The following SBSPON variants were observed in gnomAD, a reference collection of about 807,000 sequenced individuals.
The protein encoded by SBSPON is somatomedin-B and thrombospondin type-1 domain-containing protein.
SBSPON carries 30 observed loss-of-function variants against 35.8 expected under a neutral mutation model. That is an observed-to-expected ratio of 0.84 (90% confidence interval 0.63 to 1.14). The LOEUF (loss-of-function observed/expected upper bound fraction) is 1.14. SBSPON is among the 50% of genes most tolerant of loss of function. The probability of loss-of-function intolerance (pLI) is 0.00; values close to 1 mark genes in which losing one functional copy is unlikely to be tolerated. For missense variants in SBSPON, 364 were observed against 357.7 expected (o/e 1.02, Z -0.14); for synonymous variants, 136 against 135.9 (o/e 1.00, Z 0.00).
chr8:73,074,625 A>G lies in SBSPON; in HGVS notation c.410-2755T>C, dbSNP rs566407992. On this transcript the variant is annotated intron_variant, in intron 2 of 4. Transcript: ENST00000297354. The stretch of plus-strand genomic sequence containing the variant: ...ATGACAAAGTTCCAGTACTGTTTGC[A>G]GCATCTTTCCCATGAATTATTTAAA... 6.5e-5 allele frequency: 62 copies of G among 958,432 alleles called. No individual in the cohort carries two copies. In the South Asian group the frequency reaches 2.7e-3, roughly 42 times the overall value. 59.4% of individuals were successfully genotyped at this position (958,432 alleles called of 1,614,324 possible).
At position 73,092,842 on chromosome 8, in the gene SBSPON, C is replaced by A; in HGVS notation, c.214+12G>T. 6.2e-7 allele frequency: 1 copy of A among 1,607,028 alleles called. No individual in the cohort carries two copies. The highest frequency in any genetic ancestry group is 2.2e-5 in the East Asian group (1 of 44,492). Reference sequence around the variant, plus strand: ...TAACGGCCGGCGCCCCACTCTCGGCCTGACCACCCACCTGGGCACGCCCTG... The same window carrying A: ...TAACGGCCGGCGCCCCACTCTCGGCATGACCACCCACCTGGGCACGCCCTG... On this transcript the variant is annotated intron_variant, in intron 1 of 4. Transcript: ENST00000297354.
intron 3 of SBSPON, among the ~76,000 whole-genome samples, chr8:73,071,101 C>A (rs1452998763): frequency 6.6e-6 from 1 of 152,164 alleles, no homozygotes; most frequent in Admixed American, 6.5e-5. Flanking sequence ...AAGCAATCCT[C>A]CTGCTCCAGC....
chr8:73,070,444 G>C (rs1325954887), intron 3 of SBSPON, among the ~76,000 whole-genome samples: 1 of 152,210 alleles, frequency 6.6e-6, no homozygotes, highest in East Asian at 1.9e-4. Flanking sequence ...CACCTCTGCT[G>C]TTCTGCTCCA....
At chr8:73,079,972 C>T (rs940092904) in intron 2 of SBSPON, among the ~76,000 whole-genome samples, 4 of 152,200 alleles carry the variant, frequency 2.6e-5, no homozygotes, top group East Asian at 1.9e-4. Flanking sequence ...GAAATTTCCA[C>T]GTTCCTATGA....
rs941095823 is a variant in SBSPON, at chr8:73,069,841, C to T, written c.641G>A (p.Ser214Asn). 2.7e-5 allele frequency: 44 copies of T among 1,614,066 alleles called. No individual in the cohort carries two copies. Among genetic ancestry groups the T allele is most frequent in the Non-Finnish European group, 3.6e-5 (43 of 1,179,994 alleles). Residue 214 changes from serine (S) to asparagine (N), a missense_variant, in exon 4 of 5, where the codon AGC (serine) becomes AAC (asparagine). Physicochemically the swap from Ser to Asn is conservative, Grantham distance 46. Coordinates refer to ENST00000297354, the MANE Select transcript of SBSPON (RefSeq NM_153225.4). ...DCQPPAMNSVSLRCSGDGLDS... is the reference protein window; with the variant it reads ...DCQPPAMNSVNLRCSGDGLDS... ...CAGGCCATCTCCAGAACAACGAAGG[C>T]TCACAGAGTTCATAGCTGGAGGCTG...
Position 73,074,544 on chromosome 8 carries a change from C to T in SBSPON, c.410-2674G>A, listed in dbSNP as rs146071196. 3.4e-4 allele frequency: 333 copies of T among 977,504 alleles called. 1 individual carries two copies. The African/African-American group carries it at 5.4e-3, about 16-fold the overall frequency. The allele number at this position is 977,504 out of a possible 1,614,324, so 60.6% of individuals were successfully genotyped here. A position where few individuals can be genotyped will look rare whatever the true frequency, so the allele number is the denominator to read the frequency against. ...ATCTAAATATAGCACAGCCAGGCAA[C>T]GTCTCCGAAATCAAACTCCTCAGGG... is the stretch of plus-strand genomic sequence containing the variant. On this transcript the variant is annotated intron_variant, in intron 2 of 4. Coordinates refer to ENST00000297354, the MANE Select transcript of SBSPON (RefSeq NM_153225.4).
chr8:73,067,475 A>G lies in SBSPON; in HGVS notation c.678-17T>C. 1.4e-6 allele frequency: 2 copies of G among 1,461,446 alleles called. No homozygotes were observed. Among genetic ancestry groups the G allele is most frequent in the Non-Finnish European group, 9.6e-7 (1 of 1,042,672 alleles). The allele number at this position is 1,461,446 out of a possible 1,614,324, so 90.5% of individuals were successfully genotyped here. A position where few individuals can be genotyped will look rare whatever the true frequency, so the allele number is the denominator to read the frequency against. The stretch of plus-strand genomic sequence containing the variant: ...GTCTGATTTCTGAAACGATATTTCG[A>G]AAGTGTTAGTTACACTAAAAGCATA... On this transcript the variant is annotated splice_polypyrimidine_tract_variant and intron_variant, in intron 4 of 4. Coordinates refer to ENST00000297354, the MANE Select transcript of SBSPON (RefSeq NM_153225.4).
At chr8:73,080,940 G>T in intron 2 of SBSPON, 79 bp downstream of exon 2, 1 of 1,313,966 alleles carries the variant, frequency 7.6e-7, no homozygotes. Context: ...TCCCTGCACA[G>T]CATATGGCCT....
chr8:73,071,941 T>C, intron 2 of SBSPON, 71 bp from the exon 3 acceptor site: 9 of 949,068 alleles, frequency 9.5e-6, no homozygotes, highest in Non-Finnish European at 1.5e-5. Flanking sequence ...AATTTTGGTT[T>C]TGTACCTGTC....
chr8:73,079,701 C>G (rs1285770847), intron 2 of SBSPON, among the ~76,000 whole-genome samples: 1 of 152,130 alleles, frequency 6.6e-6, no homozygotes, highest in Non-Finnish European at 1.5e-5. Flanking sequence ...TGAGAGCTCC[C>G]TGCACCTCTC....
At chr8:73,068,651 A>G (rs971520701) in intron 4 of SBSPON, among the ~76,000 whole-genome samples, 29 of 152,176 alleles carry the variant, frequency 1.9e-4, no homozygotes, top group African/African-American at 6.8e-4. Context: ...AAATCTACAG[A>G]TTTATATAAG....
Position 73,071,939 on chromosome 8 carries a change from T to C in SBSPON, c.410-69A>G, listed in dbSNP as rs1401262623. On this transcript the variant is annotated intron_variant, in intron 2 of 4. Coordinates refer to ENST00000297354, the MANE Select transcript of SBSPON (RefSeq NM_153225.4). ...TCAGACCATCGTTTCCCAATTTTGGTTTTGTACCTGTCTAAGGGTCTCCAT... is the reference window on the plus strand; with the variant it reads ...TCAGACCATCGTTTCCCAATTTTGGCTTTGTACCTGTCTAAGGGTCTCCAT... The C allele has an allele frequency of 3.1e-6, 3 of 976,356 alleles. No individual in the cohort carries two copies. The African/African-American group carries it at 4.8e-5, about 16-fold the overall frequency. The allele number at this position is 976,356 out of a possible 1,614,324, so 60.5% of individuals were successfully genotyped here. A position where few individuals can be genotyped will look rare whatever the true frequency, so the allele number is the denominator to read the frequency against.
chr8:73,071,950 T>A, intron 2 of SBSPON, 80 bp from the exon 3 acceptor site: 1 of 813,926 alleles, frequency 1.2e-6, no homozygotes, highest in East Asian at 2.5e-5. Context: ...TTTGTACCTG[T>A]CTAAGGGTCT....
intron 1 of SBSPON, among the ~76,000 whole-genome samples, chr8:73,081,777 A>AAAC (rs1810710272): frequency 6.6e-6 from 1 of 152,258 alleles, no homozygotes; most frequent in East Asian, 1.9e-4. Flanking sequence ...CCTATACTCT[A>AAAC]AGCTTCTCCT....
chr8:73,075,138 G>A (rs924807897), intron 2 of SBSPON, among the ~76,000 whole-genome samples: 1 of 152,192 alleles, frequency 6.6e-6, no homozygotes, highest in African/African-American at 2.4e-5. Flanking sequence ...GCTTCCCAAA[G>A]TGCTAGGATT....
intron 2 of SBSPON, among the ~76,000 whole-genome samples, chr8:73,078,630 G>A (rs1360220048): frequency 6.6e-6 from 1 of 152,126 alleles, no homozygotes; most frequent in East Asian, 1.9e-4. Context: ...CAGATAGGTT[G>A]GCGCTAGCTT....
At chr8:73,071,197 T>A (rs1308847442) in intron 3 of SBSPON, among the ~76,000 whole-genome samples, 1 of 152,168 alleles carries the variant, frequency 6.6e-6, no homozygotes, top group African/African-American at 2.4e-5. Context: ...TAAATGCTCA[T>A]ACCAACCTCA....
chr8:73,085,181 C>T (rs988137928), intron 1 of SBSPON, among the ~76,000 whole-genome samples: 10 of 152,136 alleles, frequency 6.6e-5, no homozygotes, highest in East Asian at 3.9e-4. Context: ...AGTGTGGGCT[C>T]TCCTGGCAGC....
chr8:73,079,505 G>A (rs968821606), intron 2 of SBSPON, among the ~76,000 whole-genome samples: 2 of 151,808 alleles, frequency 1.3e-5, no homozygotes, highest in Non-Finnish European at 2.9e-5. Context: ...TCTACACCTG[G>A]CCATCAGGTT....
Sources: allele counts gnomAD v4.1 joint callset (sites outside exome capture counted in the v4.1 genomes callset), GRCh38; gene constraint gnomAD v4.1.1; transcripts MANE v1.5; gene names NCBI Gene and HGNC (gene_info 2026-07-23, HGNC 2026-07-21).